GPC6: variants seen among roughly 807,000 people sequenced by gnomAD.
GPC6 encodes glypican 6.
Under a neutral mutation model 55.2 loss-of-function variants are expected in GPC6, and 14 were observed. The observed-to-expected ratio is 0.25, with a 90% CI of 0.17 to 0.40. The LOEUF is 0.40. Among genes scored for constraint, GPC6 ranks in the 10% least tolerant of loss-of-function variants. GPC6 has a pLI of 1.00. For missense variants in GPC6, 641 were observed against 708.5 expected (o/e 0.90, Z 1.08); for synonymous variants, 278 against 259.6 (o/e 1.07, Z -0.68).
intron 1 of GPC6, among the ~76,000 whole-genome samples, chr13:93,453,756 G>C (rs1878319459): frequency 6.6e-6 from 1 of 151,636 alleles, no homozygotes; most frequent in African/African-American, 2.4e-5. Flanking sequence ...TGGCTGACTT[G>C]AGGAGTGAAG....
At chr13:93,453,975 T>A (rs1302030822) in intron 1 of GPC6, among the ~76,000 whole-genome samples, 1 of 152,032 alleles carries the variant, frequency 6.6e-6, no homozygotes, top group Non-Finnish European at 1.5e-5. Flanking sequence ...TAGAGCGGAG[T>A]GGTCTGTTTT....
At chr13:93,646,117 G>A (rs1410619943) in intron 2 of GPC6, among the ~76,000 whole-genome samples, 2 of 152,030 alleles carry the variant, frequency 1.3e-5, no homozygotes, top group Admixed American at 6.6e-5. Flanking sequence ...ATATAATTCA[G>A]GAATAAAAAG....
At chr13:93,270,756 C>G (rs185203760) in intron 1 of GPC6, among the ~76,000 whole-genome samples, 22 of 151,054 alleles carry the variant, frequency 1.5e-4, no homozygotes, top group African/African-American at 5.3e-4. Context: ...TGGACAGTCC[C>G]CCCAGTGTGA....
chr13:93,844,409 T>A (rs1361419799), intron 3 of GPC6, among the ~76,000 whole-genome samples: 3 of 152,182 alleles, frequency 2.0e-5, no homozygotes, highest in Non-Finnish European at 4.4e-5. Flanking sequence ...AGTGTTGGAA[T>A]TACAGGCATG....
intron 1 of GPC6, among the ~76,000 whole-genome samples, chr13:93,299,833 C>T (rs571888813): frequency 5.3e-5 from 8 of 152,194 alleles, no homozygotes; most frequent in East Asian, 1.9e-4. Context: ...TACTGTTCTT[C>T]GGGGTCTAAA....
At position 94,289,924 on chromosome 13, in the gene GPC6, C is replaced by T. The variant is rs151006998; in HGVS notation, c.1008+3445C>T. Among the ~76,000 whole-genome samples the T allele has an allele frequency of 2.6e-3, 397 of 152,192 alleles. 3 individuals are homozygous for T. Among genetic ancestry groups the T allele is most frequent in the African/African-American group, 8.5e-3 (352 of 41,532 alleles). ...TTCTCAAGTTGGGGTTCATGGTGTT[C>T]TAGGGGCCCCCATGACCACTTTGAG... On this transcript the variant is annotated intron_variant, in intron 5 of 8. Coordinates refer to ENST00000377047, the MANE Select transcript of GPC6 (RefSeq NM_005708.5).
chr13:93,905,846 T>C (rs145401699), intron 3 of GPC6, among the ~76,000 whole-genome samples: 78 of 152,262 alleles, frequency 5.1e-4, no homozygotes, highest in Middle Eastern at 6.8e-3. Context: ...AGAAAAATAG[T>C]GAAAGCCTGA....
intron 4 of GPC6, among the ~76,000 whole-genome samples, chr13:94,062,891 A>G (rs1474561194): frequency 6.6e-6 from 1 of 152,186 alleles, no homozygotes; most frequent in Non-Finnish European, 1.5e-5. Context: ...AACCGGATGA[A>G]TACCCTACAG....
At chr13:93,613,529 AAACACACACAC>A (rs1566450037) in intron 2 of GPC6, among the ~76,000 whole-genome samples, 26 of 128,432 alleles carry the variant, frequency 2.0e-4, no homozygotes, top group African/African-American at 6.9e-4. Context: ...CACACACACA[AAACACACACAC>A]ACACACACAC....
At chr13:93,902,990 T>C (rs1162256557) in intron 3 of GPC6, among the ~76,000 whole-genome samples, 1 of 152,178 alleles carries the variant, frequency 6.6e-6, no homozygotes, top group Non-Finnish European at 1.5e-5. Flanking sequence ...AAGGACAGTG[T>C]ATTCAATAAA....
At chr13:93,913,559 C>G (rs1404697486) in intron 3 of GPC6, among the ~76,000 whole-genome samples, 1 of 152,102 alleles carries the variant, frequency 6.6e-6, no homozygotes, top group East Asian at 1.9e-4. Context: ...TCTCTCATAG[C>G]ATTTGCTTTT....
At chr13:94,321,306 C>T (rs1034057178) in intron 6 of GPC6, among the ~76,000 whole-genome samples, 7 of 152,248 alleles carry the variant, frequency 4.6e-5, no homozygotes, top group East Asian at 1.9e-4. Context: ...TTTCTTTATC[C>T]GTTCTACCAC....
intron 3 of GPC6, among the ~76,000 whole-genome samples, chr13:93,831,732 G>T (rs1018579118): frequency 6.6e-6 from 1 of 151,944 alleles, no homozygotes; most frequent in African/African-American, 2.4e-5. Flanking sequence ...TTCTAGGAAG[G>T]CGCTGAAGGA....
chr13:94,243,067 T>C (rs1594091654), intron 4 of GPC6, among the ~76,000 whole-genome samples: 5 of 152,102 alleles, frequency 3.3e-5, no homozygotes, highest in Admixed American at 3.3e-4. Flanking sequence ...GACAGTGCCA[T>C]GGCTATTAAT....
At chr13:93,982,425 C>T (rs534220024) in intron 3 of GPC6, among the ~76,000 whole-genome samples, 19 of 152,042 alleles carry the variant, frequency 1.2e-4, no homozygotes, top group Admixed American at 3.9e-4. Context: ...TGGAAGAGAC[C>T]GAGGGAAAGG....
chr13:93,488,365 A>G (rs1338963441), intron 1 of GPC6, among the ~76,000 whole-genome samples: 6 of 152,164 alleles, frequency 3.9e-5, no homozygotes, highest in Non-Finnish European at 8.8e-5. Context: ...AATCTAGTCT[A>G]TCATTGATGG....
At position 93,645,580 on chromosome 13, in the gene GPC6, C is replaced by T. The variant is rs1156416155; in HGVS notation, c.319+100159C>T. Reference sequence around the variant, plus strand: ...CACGAAACAAAAACTGTTCCTCGTACGTTTGACTCAAATTCCATCTTGTTC... The same window carrying T: ...CACGAAACAAAAACTGTTCCTCGTATGTTTGACTCAAATTCCATCTTGTTC... On this transcript the variant is annotated intron_variant, in intron 2 of 8. Coordinates refer to ENST00000377047, the MANE Select transcript of GPC6 (RefSeq NM_005708.5). Among the ~76,000 whole-genome samples the T allele has an allele frequency of 3.9e-5, 6 of 152,256 alleles. No homozygotes were observed. The East Asian group carries it at 5.8e-4, about 15-fold the overall frequency.
intron 4 of GPC6, among the ~76,000 whole-genome samples, chr13:94,272,845 G>C (rs149230922): frequency 6.6e-6 from 1 of 151,990 alleles, no homozygotes; most frequent in Admixed American, 6.6e-5. Context: ...ATACCTGGCC[G>C]AAAGACAGAG....
At chr13:93,381,674 A>G (rs1286328869) in intron 1 of GPC6, among the ~76,000 whole-genome samples, 1 of 152,120 alleles carries the variant, frequency 6.6e-6, no homozygotes, top group African/African-American at 2.4e-5. Context: ...TCAATTTTCT[A>G]ATTTCATAGA....
Sources: allele counts gnomAD v4.1 joint callset (sites outside exome capture counted in the v4.1 genomes callset), GRCh38; gene constraint gnomAD v4.1.1; transcripts MANE v1.5; gene names NCBI Gene and HGNC (gene_info 2026-07-23, HGNC 2026-07-21).